SMAD9: variants seen among roughly 807,000 people sequenced by gnomAD.
The protein encoded by SMAD9 is SMAD family member 9.
SMAD9 carries 36 observed loss-of-function variants against 46.1 expected under a neutral mutation model. That is an observed-to-expected ratio of 0.78 (90% CI 0.60 to 1.03). SMAD9 has a LOEUF of 1.03. Ranked by LOEUF, SMAD9 falls within the 50% of genes least tolerant of loss-of-function variation. The probability of loss-of-function intolerance (pLI) is 0.00; values close to 1 mark genes in which losing one functional copy is unlikely to be tolerated. For synonymous variants in SMAD9, 245 were observed against 237.1 expected, an observed-to-expected ratio of 1.03 and a Z score of -0.31; for missense variants, 572 against 599.8, an observed-to-expected ratio of 0.95 and a Z score of 0.48.
chr13:36,893,455 T>C (rs187452757), intron 1 of SMAD9, among the ~76,000 whole-genome samples: 2,133 of 147,922 alleles, frequency 0.014, 32 homozygotes, highest in Middle Eastern at 0.083. Flanking sequence ...TATATATATA[T>C]ACACATAAAG....
Position 36,872,995 on chromosome 13 carries a change from A to T in SMAD9, c.413-80T>A. On this transcript the variant is annotated intron_variant, in intron 2 of 6. Coordinates refer to ENST00000379826, the MANE Select transcript of SMAD9 (RefSeq NM_001127217.3). ...AACAGAGTGGATACTTGCTGTTCTT[A>T]TCTATTTTTTGTTTATGATAGAGCT... is the stretch of plus-strand genomic sequence containing the variant. The T allele has an allele frequency of 2.0e-6, 3 of 1,522,690 alleles. No individual in the cohort carries two copies. In the South Asian group the frequency reaches 3.4e-5, roughly 17 times the overall value. The allele number at this position is 1,522,690 out of a possible 1,614,324, so 94.3% of individuals were successfully genotyped here. A position where few individuals can be genotyped will look rare whatever the true frequency, so the allele number is the denominator to read the frequency against.
chr13:36,900,509 G>C (rs1272440111), intron 1 of SMAD9, among the ~76,000 whole-genome samples: 1 of 151,968 alleles, frequency 6.6e-6, no homozygotes, highest in South Asian at 2.1e-4. Flanking sequence ...TTGAACTCCT[G>C]ACCTCGTGAT....
In SMAD9 at chr13:36,895,667, T is replaced by C. The variant is rs541107398; in HGVS notation, c.-186-15792A>G. Among the ~76,000 whole-genome samples, 60 of 152,348 alleles carry C rather than the reference T, an allele frequency of 3.9e-4. 1 individual carries two copies. The South Asian group carries it at 8.5e-3, about 22-fold the overall frequency. Reference sequence around the variant, plus strand: ...GAATTTCAGAGAAAGATGTGTTCAATGTGAATTTCAATATTTGGAGAGAAA... The same window carrying C: ...GAATTTCAGAGAAAGATGTGTTCAACGTGAATTTCAATATTTGGAGAGAAA... On this transcript the variant is annotated intron_variant, in intron 1 of 6. Transcript: ENST00000379826.
chr13:36,849,989 C>T (rs1164914801), intron 6 of SMAD9: 1 of 152,270 alleles, frequency 6.6e-6, no homozygotes, highest in East Asian at 1.9e-4. Context: ...ATGTTTTTAT[C>T]CCATTTCTGG....
At chr13:36,907,006 T>C (rs1351313845) in intron 1 of SMAD9, among the ~76,000 whole-genome samples, 1 of 152,130 alleles carries the variant, frequency 6.6e-6, no homozygotes, top group Non-Finnish European at 1.5e-5. Context: ...AACAAATGAA[T>C]GAATGAACAA....
At chr13:36,869,751 C>A (rs1310178229) in intron 3 of SMAD9, among the ~76,000 whole-genome samples, 1 of 151,824 alleles carries the variant, frequency 6.6e-6, no homozygotes, top group African/African-American at 2.4e-5. Context: ...ATGGCTTGTA[C>A]CTGGGAGGTG....
chr13:36,884,932 G>A (rs2058432722), intron 1 of SMAD9, among the ~76,000 whole-genome samples: 1 of 152,210 alleles, frequency 6.6e-6, no homozygotes, highest in Non-Finnish European at 1.5e-5. Context: ...GGGTCAGGGA[G>A]CACTTGTTTG....
At chr13:36,883,961 G>C (rs2058424831) in intron 1 of SMAD9, among the ~76,000 whole-genome samples, 1 of 152,138 alleles carries the variant, frequency 6.6e-6, no homozygotes, top group African/African-American at 2.4e-5. Context: ...TCAGTCTCCA[G>C]GGAAGGGTGT....
chr13:36,915,205 C>G (rs982430724), intron 1 of SMAD9, among the ~76,000 whole-genome samples: 2 of 152,068 alleles, frequency 1.3e-5, no homozygotes, highest in Non-Finnish European at 2.9e-5. Context: ...ACTCAGAATC[C>G]CCAATGTCAC....
chr13:36,900,505 T>C (rs1441431169), intron 1 of SMAD9, among the ~76,000 whole-genome samples: 1 of 152,014 alleles, frequency 6.6e-6, no homozygotes, highest in Non-Finnish European at 1.5e-5. Flanking sequence ...GGTCTTGAAC[T>C]CCTGACCTCG....
chr13:36,888,435 A>G (rs371222572), intron 1 of SMAD9, among the ~76,000 whole-genome samples: 1 of 152,178 alleles, frequency 6.6e-6, no homozygotes. Context: ...CTGGAAGTCA[A>G]TTAAACCTCT....
At chr13:36,916,423 C>A (rs1350009446) in intron 1 of SMAD9, among the ~76,000 whole-genome samples, 1 of 152,238 alleles carries the variant, frequency 6.6e-6, no homozygotes, top group African/African-American at 2.4e-5. Context: ...AGGCTCTCAA[C>A]TGGGCTGAGG....
rs886106598 is a variant in SMAD9, at chr13:36,879,148, C to T, written c.412+130G>A. 45 of 792,898 alleles carry T rather than the reference C, an allele frequency of 5.7e-5. No individual in the cohort carries two copies. In the South Asian group the frequency reaches 7.0e-4, roughly 12 times the overall value. The allele number at this position is 792,898 out of a possible 1,614,324, so 49.1% of individuals were successfully genotyped here. A position where few individuals can be genotyped will look rare whatever the true frequency, so the allele number is the denominator to read the frequency against. On this transcript the variant is annotated intron_variant, in intron 2 of 6. Transcript: ENST00000379826. ...TTGGACGAGTCCCTCAAAACTGAAC[C>T]TCCCTCTCCTCTCTTCTCTCTCTCT...
intron 3 of SMAD9, among the ~76,000 whole-genome samples, chr13:36,870,636 G>GAGAT (rs1377815641): frequency 2.6e-5 from 4 of 152,172 alleles, no homozygotes; most frequent in Admixed American, 6.5e-5. Context: ...TTCTCCACCA[G>GAGAT]AGATACAGTC....
At chr13:36,900,777 C>T (rs2058569101) in intron 1 of SMAD9, among the ~76,000 whole-genome samples, 2 of 151,620 alleles carry the variant, frequency 1.3e-5, no homozygotes, top group African/African-American at 4.8e-5. Context: ...AAGTGAAATG[C>T]ACGTAACATA....
chr13:36,879,475 G>A lies in SMAD9; in HGVS notation c.215C>T (p.Pro72Leu). 1 of 1,613,872 alleles carries A rather than the reference G, an allele frequency of 6.2e-7. No homozygotes were observed. The highest frequency in any genetic ancestry group is 8.5e-7 in the Non-Finnish European group (1 of 1,180,028). ...PGQPSKCVTI[P>L]RSLDGRLQVS... is the part of the protein sequence containing the mutation. ...CTGCAGCCGCCCGTCCAGGGAGCGG[G>A]GAATCGTGACGCATTTGCTGGGCTG... The change falls in exon 2 of 7, where the codon CCC becomes CTC. Residue 72 changes from proline to leucine, a missense_variant. Pro to Leu is a moderately conservative substitution (Grantham distance 98). Coordinates refer to ENST00000379826, the MANE Select transcript of SMAD9 (RefSeq NM_001127217.3).
At chr13:36,919,295 G>A (rs2058722594) in intron 1 of SMAD9, among the ~76,000 whole-genome samples, 1 of 152,096 alleles carries the variant, frequency 6.6e-6, no homozygotes, top group South Asian at 2.1e-4. Flanking sequence ...TCCTCCTTCC[G>A]ATCACAAAGC....
intron 6 of SMAD9, chr13:36,851,498 G>A (rs947022355): frequency 1.3e-5 from 2 of 152,328 alleles, no homozygotes; most frequent in African/African-American, 4.8e-5. Flanking sequence ...CTGTGTTTTG[G>A]CTGTTGTTTA....
At chr13:36,904,986 T>C (rs1051704674) in intron 1 of SMAD9, among the ~76,000 whole-genome samples, 8 of 152,212 alleles carry the variant, frequency 5.3e-5, no homozygotes, top group South Asian at 2.1e-4. Context: ...TTTATCACCA[T>C]TCTGCCATCA....
Sources: allele counts gnomAD v4.1 joint callset (sites outside exome capture counted in the v4.1 genomes callset), GRCh38; gene constraint gnomAD v4.1.1; transcripts MANE v1.5; gene names NCBI Gene and HGNC (gene_info 2026-07-23, HGNC 2026-07-21).